The following SPDYE10 variants were observed in gnomAD, a reference collection of about 807,000 sequenced individuals.
SPDYE10 encodes speedy protein E10.
chr7:73,107,601 A>T, the SPDYE10 span, among the ~76,000 whole-genome samples: 1 of 69,432 alleles, frequency 1.4e-5, no homozygotes, highest in East Asian at 3.7e-4. Flanking sequence ...AGCTTAGGGG[A>T]CAGGGCAAGT....
the SPDYE10 span, among the ~76,000 whole-genome samples, chr7:73,153,982 C>T: frequency 6.6e-6 from 1 of 151,520 alleles, no homozygotes; most frequent in Non-Finnish European, 1.5e-5. Context: ...CTCAGCCTGC[C>T]CTGGCAGATA....
chr7:73,130,353 T>C, the SPDYE10 span, among the ~76,000 whole-genome samples: 2 of 152,106 alleles, frequency 1.3e-5, no homozygotes, highest in Non-Finnish European at 1.5e-5. Flanking sequence ...TTTCAAAACA[T>C]GGTTAACAGG....
chr7:73,121,158 T>G, the SPDYE10 span, among the ~76,000 whole-genome samples: 1 of 151,232 alleles, frequency 6.6e-6, no homozygotes, highest in Non-Finnish European at 1.5e-5. Context: ...CCAGGGAGTG[T>G]CAAATGTGTA....
chr7:73,123,788 C>CTCCCTCTCT, the SPDYE10 span, among the ~76,000 whole-genome samples: 2 of 97,456 alleles, frequency 2.1e-5, no homozygotes, highest in South Asian at 3.1e-4. Context: ...TCTCTCTCTC[C>CTCCCTCTCT]CTCTCTCTCT....
chr7:73,124,568 TCA>T, the SPDYE10 span, among the ~76,000 whole-genome samples: 1 of 151,194 alleles, frequency 6.6e-6, no homozygotes, highest in Non-Finnish European at 1.5e-5. Context: ...TCCCAGTGGG[TCA>T]GAGGAGAGGC....
At chr7:73,152,222 C>T in the SPDYE10 span, among the ~76,000 whole-genome samples, 2 of 137,030 alleles carry the variant, frequency 1.5e-5, no homozygotes, top group Non-Finnish European at 3.1e-5. Flanking sequence ...ACCATGCTGG[C>T]CAGGCTGGTC....
At chr7:73,115,101 G>C in the SPDYE10 span, among the ~76,000 whole-genome samples, 1 of 151,562 alleles carries the variant, frequency 6.6e-6, no homozygotes, top group African/African-American at 2.4e-5. Flanking sequence ...TCACCATGTT[G>C]ACCAAGCTGG....
the SPDYE10 span, among the ~76,000 whole-genome samples, chr7:73,132,761 T>C: frequency 1.3e-5 from 2 of 151,198 alleles, no homozygotes; most frequent in Non-Finnish European, 2.9e-5. Context: ...GGCTGGAGCA[T>C]TCACAGCAAT....
At chr7:73,139,648 T>C in the SPDYE10 span, among the ~76,000 whole-genome samples, 1 of 151,214 alleles carries the variant, frequency 6.6e-6, no homozygotes. Context: ...TTTGTTTGTT[T>C]GTTTTTTGTG....
chr7:73,113,654 G>C, the SPDYE10 span, among the ~76,000 whole-genome samples: 32 of 151,984 alleles, frequency 2.1e-4, no homozygotes, highest in Admixed American at 6.5e-4. Context: ...AGCGCTTTGG[G>C]AGGCCATAGC....
chr7:73,124,121 CCT>C, the SPDYE10 span, among the ~76,000 whole-genome samples: 1 of 146,954 alleles, frequency 6.8e-6, no homozygotes, highest in East Asian at 2.0e-4. Flanking sequence ...CCATATCTGG[CCT>C]CTCTACTCCC....
chr7:73,126,764 A>G, the SPDYE10 span, among the ~76,000 whole-genome samples: 8 of 150,042 alleles, frequency 5.3e-5, no homozygotes, highest in Non-Finnish European at 1.0e-4. Flanking sequence ...TGTAGCCTCA[A>G]ACTCCTGGGC....
At chr7:73,149,327 A>G in the SPDYE10 span, among the ~76,000 whole-genome samples, 1 of 129,464 alleles carries the variant, frequency 7.7e-6, no homozygotes, top group Admixed American at 8.0e-5. Flanking sequence ...TCGCTCTGTC[A>G]CCCAGGCTGG....
the SPDYE10 span, among the ~76,000 whole-genome samples, chr7:73,135,529 CTT>C: frequency 8.3e-6 from 1 of 120,822 alleles, no homozygotes. Context: ...TCTTTCTTTT[CTT>C]TTTTTTTTTT....
chr7:73,137,657 A>G, the SPDYE10 span, among the ~76,000 whole-genome samples: 6 of 109,482 alleles, frequency 5.5e-5, no homozygotes, highest in Admixed American at 9.7e-5. Flanking sequence ...AAGAAAGAAA[A>G]GAGAAAGAAA....
the SPDYE10 span, among the ~76,000 whole-genome samples, chr7:73,123,788 C>CTCTCCCTCTCTCTCT: frequency 5.1e-5 from 5 of 97,452 alleles, no homozygotes; most frequent in Non-Finnish European, 9.3e-5. Context: ...TCTCTCTCTC[C>CTCTCCCTCTCTCTCT]CTCTCTCTCT....
chr7:73,104,514 TTAAA>T, the SPDYE10 span: 5 of 101,272 alleles, frequency 4.9e-5, no homozygotes, highest in Admixed American at 1.2e-4. Context: ...ATAATAATAT[TTAAA>T]TAAATAAATA....
the SPDYE10 span, among the ~76,000 whole-genome samples, chr7:73,128,093 A>G: frequency 1.3e-5 from 2 of 152,032 alleles, no homozygotes; most frequent in Admixed American, 1.3e-4. Flanking sequence ...CTGGATAAAC[A>G]AAGTATAATG....
At chr7:73,118,150 CAAAAAAAAAAAAAA>C in the SPDYE10 span, among the ~76,000 whole-genome samples, 3 of 6,206 alleles carry the variant, frequency 4.8e-4, no homozygotes, top group Non-Finnish European at 7.6e-4. Context: ...GACTCTCTGT[CAAAAAAAAAAAAAA>C]AAAAAAAAAA....
Sources: gnomAD v4.1 joint callset for allele counts (sites outside exome capture counted in the v4.1 genomes callset) on GRCh38, gnomAD v4.1.1 for gene constraint, MANE v1.5 for transcripts, NCBI Gene and HGNC (gene_info 2026-07-23, HGNC 2026-07-21) for gene names.